Variants in MINDY2 observed in about 807,000 individuals in gnomAD.
The protein encoded by MINDY2 is MINDY lysine 48 deubiquitinase 2.
In MINDY2, 52 loss-of-function variants were observed where a neutral mutation model predicts 68.2. The observed-to-expected ratio is 0.76, with a 90% CI of 0.61 to 0.96. The LOEUF (loss-of-function observed/expected upper bound fraction) is 0.96, where lower values mean the gene tolerates loss of function less well. Ranked by LOEUF, MINDY2 falls within the 40% of genes least tolerant of loss-of-function variation. The pLI is 0.00. For synonymous variants in MINDY2, 372 were observed against 303.0 expected (o/e 1.23, Z -2.36); for missense variants, 881 against 773.4 (o/e 1.14, Z -1.65).
chr15:58,853,381 T>C (rs1483075862), intron 8 of MINDY2, among the ~76,000 whole-genome samples: 1 of 152,122 alleles, frequency 6.6e-6, no homozygotes, highest in Non-Finnish European at 1.5e-5. Context: ...AAATTTCTAT[T>C]TCTAGCTCAA....
At chr15:58,841,130 C>T (rs570708318) in intron 6 of MINDY2, among the ~76,000 whole-genome samples, 200 of 151,332 alleles carry the variant, frequency 1.3e-3, no homozygotes, top group African/African-American at 3.6e-3. Flanking sequence ...TATAGGCGCG[C>T]ACCACCATGT....
At position 58,839,322 on chromosome 15, in the gene MINDY2, T is replaced by TTTTGTTTGTTTGTTTG. The variant is rs57863736; in HGVS notation, c.1368+7414_1368+7429dup. Among the ~76,000 whole-genome samples, 1,084 of 148,746 alleles carry TTTTGTTTGTTTGTTTG rather than the reference T, an allele frequency of 7.3e-3. 14 individuals carry two copies. Among genetic ancestry groups the TTTTGTTTGTTTGTTTG allele is most frequent in the Middle Eastern group, 0.024 (7 of 294 alleles). On this transcript the variant is annotated intron_variant, in intron 6 of 8. Coordinates refer to ENST00000559228, the MANE Select transcript of MINDY2 (RefSeq NM_001040450.3). Reference sequence around the variant, plus strand: ...AATTCTCTGTTAAGTTAGACTGTTTTTTTGTTTGTTTGTTTGTTTGTTTTT... The same window carrying TTTTGTTTGTTTGTTTG: ...AATTCTCTGTTAAGTTAGACTGTTTTTTTGTTTGTTTGTTTGTTTGTTTGTTTGTTTGTTTGTTTTT...
chr15:58,834,871 A>C (rs1453301350), intron 6 of MINDY2, among the ~76,000 whole-genome samples: 2 of 152,228 alleles, frequency 1.3e-5, no homozygotes, highest in African/African-American at 4.8e-5. Context: ...TAGTTATAGC[A>C]ACAGCTCATT....
At chr15:58,793,972 C>G (rs1179746117) in intron 2 of MINDY2, among the ~76,000 whole-genome samples, 1 of 152,132 alleles carries the variant, frequency 6.6e-6, no homozygotes, top group African/African-American at 2.4e-5. Flanking sequence ...TTCTCAGTCA[C>G]GTTCAGCTGC....
intron 6 of MINDY2, among the ~76,000 whole-genome samples, chr15:58,835,519 G>T (rs2031951331): frequency 6.6e-6 from 1 of 152,168 alleles, no homozygotes; most frequent in African/African-American, 2.4e-5. Context: ...TGGGCATGGT[G>T]GTGGGTGCCT....
At chr15:58,778,118 T>G (rs1265865555) in intron 1 of MINDY2, among the ~76,000 whole-genome samples, 1 of 152,124 alleles carries the variant, frequency 6.6e-6, no homozygotes, top group African/African-American at 2.4e-5. Flanking sequence ...CCCTACTTGG[T>G]TATACTTTTT....
chr15:58,785,135 CAAAAAAAAAAAA>C (rs397719705), intron 1 of MINDY2, among the ~76,000 whole-genome samples: 9 of 68,470 alleles, frequency 1.3e-4, no homozygotes, highest in African/African-American at 5.2e-4. Context: ...TGAAGGAAAG[CAAAAAAAAAAAA>C]AAAAAAAAAA....
At chr15:58,792,825 T>C (rs1172450042) in intron 2 of MINDY2, among the ~76,000 whole-genome samples, 1 of 152,132 alleles carries the variant, frequency 6.6e-6, no homozygotes, top group Non-Finnish European at 1.5e-5. Context: ...GACCATATAG[T>C]GTATGATTCC....
chr15:58,771,411 G>C lies in MINDY2; in HGVS notation c.16G>C (p.Glu6Gln). The C allele has an allele frequency of 6.2e-7, 1 of 1,610,436 alleles. No homozygotes were observed. Among genetic ancestry groups the C allele is most frequent in the Non-Finnish European group, 8.5e-7 (1 of 1,179,102 alleles). The change falls in exon 1 of 9, where the codon GAG becomes CAG. Residue 6 changes from glutamate (E) to glutamine (Q), a missense_variant. Glu to Gln is a conservative substitution (Grantham distance 29). Transcript: ENST00000559228. Reference sequence around the variant, plus strand: ...GCGGCCCGGTATGGAGAGCAGCCCCGAGAGCCTGCAGCCGCTAGAACACGG... The same window carrying C: ...GCGGCCCGGTATGGAGAGCAGCCCCCAGAGCCTGCAGCCGCTAGAACACGG... Reference protein sequence around the residue: MESSPESLQPLEHGVA... With the variant: MESSPQSLQPLEHGVA...
intron 2 of MINDY2, among the ~76,000 whole-genome samples, chr15:58,799,391 C>T (rs1376143810): frequency 6.6e-6 from 1 of 152,004 alleles, no homozygotes; most frequent in African/African-American, 2.4e-5. Context: ...CACAGTGAAA[C>T]CCTGTCTTTA....
At chr15:58,846,552 C>T (rs534250897) in intron 6 of MINDY2, among the ~76,000 whole-genome samples, 1 of 145,440 alleles carries the variant, frequency 6.9e-6, no homozygotes, top group East Asian at 2.0e-4. Flanking sequence ...GAGGTGGCAC[C>T]ACTGCACTCC....
chr15:58,811,735 A>T (rs1035239204), intron 4 of MINDY2, among the ~76,000 whole-genome samples: 1 of 152,200 alleles, frequency 6.6e-6, no homozygotes, highest in Admixed American at 6.5e-5. Flanking sequence ...TCAACTGATT[A>T]TTAGAGAGTA....
chr15:58,831,122 T>C (rs2031706719), intron 5 of MINDY2, among the ~76,000 whole-genome samples: 1 of 150,832 alleles, frequency 6.6e-6, no homozygotes, highest in East Asian at 2.0e-4. Context: ...ACAAAAGCCA[T>C]AATATCTATT....
At chr15:58,852,932 T>TTTGTTTG (rs2032897073) in intron 8 of MINDY2, among the ~76,000 whole-genome samples, 1 of 22,310 alleles carries the variant, frequency 4.5e-5, no homozygotes, top group African/African-American at 1.5e-4. Flanking sequence ...GTTTTTTTTT[T>TTTGTTTG]TTTTTTTTTT....
At chr15:58,792,955 C>T (rs775950318) in intron 2 of MINDY2, among the ~76,000 whole-genome samples, 5 of 151,362 alleles carry the variant, frequency 3.3e-5, no homozygotes, top group Non-Finnish European at 7.4e-5. Flanking sequence ...TGAGCTATGA[C>T]CATACCACTG....
chr15:58,785,786 C>T (rs1406491335), intron 1 of MINDY2, among the ~76,000 whole-genome samples: 2 of 152,120 alleles, frequency 1.3e-5, no homozygotes, highest in South Asian at 2.1e-4. Context: ...AAGCAATTCT[C>T]CTGCCTCAGT....
At chr15:58,800,905 A>G (rs545937278) in intron 2 of MINDY2, among the ~76,000 whole-genome samples, 1 of 152,266 alleles carries the variant, frequency 6.6e-6, no homozygotes, top group African/African-American at 2.4e-5. Flanking sequence ...GCTCTCACAA[A>G]AAATCAGTTA....
At position 58,857,807 on chromosome 15, in the gene MINDY2, T is replaced by C. The variant is rs576253367; in HGVS notation, c.*3197T>C. The C allele has an allele frequency of 6.6e-6, 1 of 152,352 alleles. No individual in the cohort carries two copies. The highest frequency in any genetic ancestry group is 2.1e-4 in the South Asian group (1 of 4,830). The allele number at this position is 152,352 out of a possible 1,614,324, so 9.4% of individuals were successfully genotyped here. On this transcript the variant is annotated 3_prime_UTR_variant, in exon 9 of 9. Coordinates refer to ENST00000559228, the MANE Select transcript of MINDY2 (RefSeq NM_001040450.3). ...TTGCATCAACCAAATCATCATTAGA[T>C]TTGAAAATAGGCAGATGAATGAACA...
At chr15:58,788,028 C>G in intron 2 of MINDY2, 65 bp downstream of exon 2, 1 of 1,056,300 alleles carries the variant, frequency 9.5e-7, no homozygotes, top group South Asian at 1.6e-5. Flanking sequence ...TAGTTGATTA[C>G]CCAGTCTCAC....
Sources: allele counts gnomAD v4.1 joint callset (sites outside exome capture counted in the v4.1 genomes callset), GRCh38; gene constraint gnomAD v4.1.1; transcripts MANE v1.5; gene names NCBI Gene and HGNC (gene_info 2026-07-23, HGNC 2026-07-21).